The following AGTR1 variants were observed in gnomAD, a reference collection of about 807,000 sequenced individuals.
AGTR1 encodes the protein angiotensin II receptor type 1.
A neutral mutation model predicts 19.4 loss-of-function variants in AGTR1; 16 were observed. The ratio of observed to expected loss-of-function variants is 0.82; its 90% CI spans 0.56 to 1.25. AGTR1 has a LOEUF of 1.25. Among genes scored for constraint, AGTR1 ranks in the 50% most tolerant of loss-of-function variants. The pLI, the probability that AGTR1 is intolerant of heterozygous loss-of-function variation, is 0.00. For missense variants in AGTR1, 373 were observed against 431.9 expected (o/e 0.86, Z 1.21); for synonymous variants, 153 against 154.9 (o/e 0.99, Z 0.09).
intron 2 of AGTR1, among the ~76,000 whole-genome samples, chr3:148,739,426 C>G (rs1218557442): frequency 1.3e-5 from 2 of 151,558 alleles, no homozygotes; most frequent in East Asian, 3.9e-4. Flanking sequence ...GTTGGGAAGG[C>G]TTCACCAAAG....
chr3:148,702,595 C>T (rs1408769628), intron 1 of AGTR1, among the ~76,000 whole-genome samples: 1 of 152,132 alleles, frequency 6.6e-6, no homozygotes, highest in African/African-American at 2.4e-5. Flanking sequence ...TTAAAAATGG[C>T]CCCTCCTTCT....
chr3:148,714,853 C>G lies in AGTR1; in HGVS notation c.-48+6826C>G, dbSNP rs12695882. 5.8e-3 allele frequency among the ~76,000 whole-genome samples: 886 copies of G among 152,172 alleles called. 8 individuals are homozygous for G. The highest frequency in any genetic ancestry group is 0.021 in the African/African-American group (857 of 41,510). ...ATCACTGACCTGTAATCCTGTGTCT[C>G]TGGGCCTGAAAATATAACTTTTCAT... On this transcript the variant is annotated intron_variant, in intron 2 of 2. Transcript: ENST00000349243.
chr3:148,712,292 T>G (rs1713031888), intron 2 of AGTR1, among the ~76,000 whole-genome samples: 2 of 152,142 alleles, frequency 1.3e-5, no homozygotes, highest in Admixed American at 6.6e-5. Context: ...TGGAAAATAA[T>G]TATTTATCTG....
intron 1 of AGTR1, among the ~76,000 whole-genome samples, chr3:148,707,073 G>A (rs1160865114): frequency 1.3e-5 from 2 of 151,950 alleles, no homozygotes; most frequent in Non-Finnish European, 2.9e-5. Context: ...ATAGCAGACT[G>A]GTTAAATAAA....
chr3:148,734,608 A>G (rs752812039), intron 2 of AGTR1, among the ~76,000 whole-genome samples: 1 of 152,238 alleles, frequency 6.6e-6, no homozygotes, highest in Non-Finnish European at 1.5e-5. Context: ...TTTTGCATTG[A>G]GAGAACTATT....
chr3:148,735,208 C>T (rs1281024473), intron 2 of AGTR1, among the ~76,000 whole-genome samples: 1 of 152,154 alleles, frequency 6.6e-6, no homozygotes, highest in East Asian at 1.9e-4. Context: ...GACTAGAAAA[C>T]TTCTGAAGAC....
intron 2 of AGTR1, among the ~76,000 whole-genome samples, chr3:148,736,837 G>C (rs1188136320): frequency 6.6e-6 from 1 of 152,204 alleles, no homozygotes; most frequent in Admixed American, 6.5e-5. Context: ...AATAGGAAAA[G>C]TAGGAAGAGG....
In AGTR1 at chr3:148,741,769, T is replaced by C. The variant is rs749780887; in HGVS notation, c.734T>C (p.Ile245Thr). The stretch of plus-strand genomic sequence containing the variant: ...GATATTTTTAAGATAATTATGGCAA[T>C]TGTGCTTTTCTTTTTCTTTTCCTGG... ...NDDIFKIIMA[I>T]VLFFFFSWIP... Residue 245 changes from isoleucine to threonine, a missense_variant, in exon 3 of 3, where the codon ATT becomes ACT. By Grantham distance (89) the Ile-to-Thr change is moderately conservative. Transcript: ENST00000349243. 1.2e-6 allele frequency: 2 copies of C among 1,613,394 alleles called. No homozygotes were observed. Among genetic ancestry groups the C allele is most frequent in the Middle Eastern group, 3.3e-4 (2 of 6,062 alleles).
chr3:148,726,462 C>G (rs556539965), intron 2 of AGTR1, among the ~76,000 whole-genome samples: 118 of 152,308 alleles, frequency 7.7e-4, no homozygotes, highest in African/African-American at 2.7e-3. Context: ...CCACCTTGGC[C>G]TCCCAAAGTG....
At chr3:148,699,087 C>G (rs779625033) in intron 1 of AGTR1, among the ~76,000 whole-genome samples, 2 of 152,068 alleles carry the variant, frequency 1.3e-5, no homozygotes, top group East Asian at 3.9e-4. Context: ...AAAACCTACT[C>G]CCCCCCTTCA....
intron 1 of AGTR1, among the ~76,000 whole-genome samples, chr3:148,698,925 C>T (rs1342155256): frequency 3.3e-5 from 5 of 152,152 alleles, no homozygotes; most frequent in African/African-American, 1.2e-4. Context: ...TCCATAGTGC[C>T]AGCCTGCTAT....
chr3:148,710,904 C>A (rs1712947296), intron 2 of AGTR1, among the ~76,000 whole-genome samples: 1 of 152,074 alleles, frequency 6.6e-6, no homozygotes. Flanking sequence ...CCTCCCCCCT[C>A]TCTCTCTTGC....
chr3:148,703,541 A>AT (rs990689353), intron 1 of AGTR1, among the ~76,000 whole-genome samples: 9 of 152,100 alleles, frequency 5.9e-5, no homozygotes, highest in Non-Finnish European at 1.0e-4. Flanking sequence ...CTTTCTTTAA[A>AT]TTTTTTTTAT....
intron 2 of AGTR1, among the ~76,000 whole-genome samples, chr3:148,738,753 T>A (rs1714707917): frequency 6.6e-6 from 1 of 152,236 alleles, no homozygotes; most frequent in East Asian, 1.9e-4. Flanking sequence ...TTGTTTCTGT[T>A]TTTTTGTCCA....
intron 1 of AGTR1, among the ~76,000 whole-genome samples, chr3:148,698,652 T>C (rs1712133440): frequency 6.6e-6 from 1 of 152,120 alleles, no homozygotes; most frequent in Non-Finnish European, 1.5e-5. Flanking sequence ...CGGTGGGTCC[T>C]AGACACGGGA....
In AGTR1 at chr3:148,741,557, C is replaced by T; in HGVS notation, c.522C>T (p.Asn174=). The change falls in exon 3 of 3, where the codon AAC becomes AAT. Residue 174 remains asparagine, a synonymous_variant. Transcript: ENST00000349243. ...IIHRNVFFIE[N]TNITVCAFHY... is the part of the protein sequence containing the mutation. ...ATCGAAATGTATTTTTCATTGAGAA[C>T]ACCAATATTACAGTTTGTGCTTTCC... 1 of 1,614,046 alleles carries T rather than the reference C, an allele frequency of 6.2e-7. No individual in the cohort carries two copies. The highest frequency in any genetic ancestry group is 8.5e-7 in the Non-Finnish European group (1 of 1,179,930).
At chr3:148,725,611 T>A (rs1462328198) in intron 2 of AGTR1, among the ~76,000 whole-genome samples, 2 of 152,174 alleles carry the variant, frequency 1.3e-5, no homozygotes, top group Non-Finnish European at 2.9e-5. Context: ...GACTCCCAAG[T>A]AGCTGGGATT....
chr3:148,727,160 T>G (rs929106231), intron 2 of AGTR1, among the ~76,000 whole-genome samples: 1 of 152,186 alleles, frequency 6.6e-6, no homozygotes, highest in Non-Finnish European at 1.5e-5. Flanking sequence ...TAACAGAGAA[T>G]CAAGCTAAGT....
intron 2 of AGTR1, among the ~76,000 whole-genome samples, chr3:148,737,104 C>A (rs991413458): frequency 2.6e-5 from 4 of 152,194 alleles, no homozygotes; most frequent in Admixed American, 2.0e-4. Flanking sequence ...ATCTTTATTT[C>A]TTTCCTTAGA....
Sources: allele counts gnomAD v4.1 joint callset (sites outside exome capture counted in the v4.1 genomes callset), GRCh38; gene constraint gnomAD v4.1.1; transcripts MANE v1.5; gene names NCBI Gene and HGNC (gene_info 2026-07-23, HGNC 2026-07-21).